Variants in B4GALT6 observed in about 807,000 individuals in gnomAD.
B4GALT6 encodes the protein beta-1,4-galactosyltransferase 6.
Under a neutral mutation model 46.3 loss-of-function variants are expected in B4GALT6, and 14 were observed. That is an observed-to-expected ratio of 0.30 (90% CI 0.20 to 0.47). The LOEUF (loss-of-function observed/expected upper bound fraction) is 0.47. Ranked by LOEUF, B4GALT6 falls within the 20% of genes least tolerant of loss-of-function variation. The pLI is 0.99. For synonymous variants in B4GALT6, 168 were observed against 162.0 expected, an observed-to-expected ratio of 1.04 and a Z score of -0.28; for missense variants, 386 against 480.1, an observed-to-expected ratio of 0.80 and a Z score of 1.83.
intron 4 of B4GALT6, among the ~76,000 whole-genome samples, chr18:31,645,152 A>G (rs1466225631): frequency 6.6e-6 from 1 of 152,178 alleles, no homozygotes; most frequent in Admixed American, 6.5e-5. Flanking sequence ...TCTATTTTGT[A>G]TCTACACAGG....
intron 4 of B4GALT6, 39 bp from the exon 5 acceptor site, chr18:31,638,799 C>A (rs1339170024): frequency 2.1e-6 from 3 of 1,453,596 alleles, no homozygotes; most frequent in African/African-American, 2.8e-5. Flanking sequence ...ATAAATATAT[C>A]TACCACATCC....
At chr18:31,626,494 C>A in intron 7 of B4GALT6, 110 bp from the exon 8 acceptor site, 1 of 574,648 alleles carries the variant, frequency 1.7e-6, no homozygotes, top group Non-Finnish European at 2.9e-6. Flanking sequence ...GGTTCCCCAA[C>A]CCCTGGGCCA....
At chr18:31,706,492 G>A in the B4GALT6 span, among the ~76,000 whole-genome samples, 9 of 152,010 alleles carry the variant, frequency 5.9e-5, no homozygotes, top group Non-Finnish European at 1.2e-4. Flanking sequence ...TTAGCTGGGC[G>A]TGGTGGTGGG....
the B4GALT6 span, among the ~76,000 whole-genome samples, chr18:31,694,478 A>G: frequency 3.3e-5 from 5 of 152,354 alleles, no homozygotes; most frequent in Admixed American, 2.0e-4. Context: ...ACAATGGAGC[A>G]CTAGATAAAG....
chr18:31,672,295 T>G (rs2074365576), intron 1 of B4GALT6, among the ~76,000 whole-genome samples: 1 of 152,186 alleles, frequency 6.6e-6, no homozygotes. Context: ...ATGATCTTGG[T>G]CAGGCAATCT....
intron 1 of B4GALT6, among the ~76,000 whole-genome samples, chr18:31,670,992 G>A (rs953691547): frequency 6.6e-6 from 1 of 151,954 alleles, no homozygotes; most frequent in Non-Finnish European, 1.5e-5. Context: ...ATGAGAACAC[G>A]TAGTGTTTGG....
intron 7 of B4GALT6, 82 bp from the exon 8 acceptor site, chr18:31,626,466 A>G: frequency 1.4e-6 from 1 of 731,028 alleles, no homozygotes; most frequent in Admixed American, 2.6e-5. Flanking sequence ...TAAAACACAA[A>G]AGAATGCTCT....
the B4GALT6 span, among the ~76,000 whole-genome samples, chr18:31,697,322 A>T: frequency 7.2e-5 from 11 of 152,120 alleles, no homozygotes; most frequent in Admixed American, 2.6e-4. Context: ...AATGGAGAAG[A>T]TGGCAGGCAG....
the B4GALT6 span, among the ~76,000 whole-genome samples, chr18:31,712,284 G>GTTT: frequency 5.7e-5 from 5 of 88,292 alleles, no homozygotes; most frequent in African/African-American, 2.0e-4. Flanking sequence ...CTACTGGGAC[G>GTTT]TTATTTTTTT....
chr18:31,724,555 C>T, the B4GALT6 span: 33 of 1,033,162 alleles, frequency 3.2e-5, no homozygotes, highest in Non-Finnish European at 3.9e-5. Context: ...GAGACTTTGG[C>T]TCAGAGTTTG....
intron 4 of B4GALT6, 44 bp downstream of exon 4, chr18:31,645,311 T>A: frequency 6.2e-7 from 1 of 1,606,132 alleles, no homozygotes; most frequent in South Asian, 1.1e-5. Context: ...TTTCCTCAAA[T>A]GCTCAGTAAC....
At chr18:31,693,811 T>C in the B4GALT6 span, among the ~76,000 whole-genome samples, 8 of 151,500 alleles carry the variant, frequency 5.3e-5, no homozygotes, top group Non-Finnish European at 1.2e-4. Context: ...CTATAAAAAA[T>C]GCAAAAATTG....
At chr18:31,635,339 C>CT (rs1181246698) in intron 5 of B4GALT6, among the ~76,000 whole-genome samples, 1 of 151,734 alleles carries the variant, frequency 6.6e-6, no homozygotes, top group African/African-American at 2.4e-5. Flanking sequence ...TTTCCTAGAT[C>CT]AGTAAAACTG....
chr18:31,675,696 A>T (rs143003890), intron 1 of B4GALT6, among the ~76,000 whole-genome samples: 1 of 152,284 alleles, frequency 6.6e-6, no homozygotes, highest in East Asian at 1.9e-4. Flanking sequence ...GAATGCAGGA[A>T]ATTAAACAGA....
intron 3 of B4GALT6, 91 bp downstream of exon 3, chr18:31,657,885 G>T: frequency 3.3e-6 from 3 of 907,308 alleles, no homozygotes; most frequent in South Asian, 1.7e-5. Flanking sequence ...AGGTGCACAT[G>T]ACCTGCTCCT....
At chr18:31,717,502 G>A in the B4GALT6 span, among the ~76,000 whole-genome samples, 29 of 151,836 alleles carry the variant, frequency 1.9e-4, no homozygotes, top group African/African-American at 7.0e-4. Flanking sequence ...CTCAATAAAG[G>A]AAATAAATGG....
At position 31,658,094 on chromosome 18, in the gene B4GALT6, GA is replaced by G; in HGVS notation, c.233-6del. The G allele has an allele frequency of 6.5e-7, 1 of 1,537,236 alleles. No homozygotes were observed. The highest frequency in any genetic ancestry group is 8.8e-7 in the Non-Finnish European group (1 of 1,139,116). Reference sequence around the variant, plus strand: ...AATTATTGCCTTCGGGATAATCTTGGAAAGAGAGAAAAGAGTTACAAAAAAA... The same window carrying G: ...AATTATTGCCTTCGGGATAATCTTGGAAGAGAGAAAAGAGTTACAAAAAAA... On this transcript the variant is annotated splice_polypyrimidine_tract_variant and splice_region_variant and intron_variant, in intron 2 of 8. Transcript: ENST00000306851.
the B4GALT6 span, among the ~76,000 whole-genome samples, chr18:31,696,801 C>T: frequency 2.2e-4 from 33 of 152,178 alleles, no homozygotes; most frequent in Admixed American, 1.3e-3. Flanking sequence ...CTTTATAGTT[C>T]TAATAGTAAA....
upstream of B4GALT6, among the ~76,000 whole-genome samples, chr18:31,688,924 AT>A (rs1470024495): frequency 1.3e-5 from 2 of 152,052 alleles, no homozygotes; most frequent in African/African-American, 4.8e-5. Context: ...TTCTTCATGT[AT>A]TTTTTTCATT....
Sources: allele counts gnomAD v4.1 joint callset (sites outside exome capture counted in the v4.1 genomes callset), GRCh38; gene constraint gnomAD v4.1.1; transcripts MANE v1.5; gene names NCBI Gene and HGNC (gene_info 2026-07-23, HGNC 2026-07-21).